PLPPR5: variants seen among roughly 807,000 people sequenced by gnomAD.
The protein encoded by PLPPR5 is phospholipid phosphatase-related protein type 5.
Under a neutral mutation model 33.9 loss-of-function variants are expected in PLPPR5, and 16 were observed. That is an observed-to-expected ratio of 0.47 (90% CI 0.32 to 0.72). The LOEUF (loss-of-function observed/expected upper bound fraction) is 0.72, where lower values mean the gene tolerates loss of function less well. PLPPR5 is among the 30% of genes least tolerant of loss of function. The pLI, the probability that PLPPR5 is intolerant of heterozygous loss-of-function variation, is 0.03. For synonymous variants in PLPPR5, 163 were observed against 150.3 expected, an observed-to-expected ratio of 1.08 and a Z score of -0.62; for missense variants, 301 against 406.7, an observed-to-expected ratio of 0.74 and a Z score of 2.23.
chr1:98,923,433 C>A (rs530992247), intron 3 of PLPPR5, among the ~76,000 whole-genome samples: 1 of 152,198 alleles, frequency 6.6e-6, no homozygotes, highest in South Asian at 2.1e-4. Flanking sequence ...AATACATCTG[C>A]CTAAGAGAGT....
chr1:98,917,273 C>T (rs558060021), intron 4 of PLPPR5, among the ~76,000 whole-genome samples: 1 of 152,270 alleles, frequency 6.6e-6, no homozygotes, highest in Admixed American at 6.5e-5. Flanking sequence ...TATCTTGGTA[C>T]CTAAATATCT....
chr1:98,911,315 G>A (rs965809991), intron 5 of PLPPR5, among the ~76,000 whole-genome samples: 1 of 152,118 alleles, frequency 6.6e-6, no homozygotes, highest in Non-Finnish European at 1.5e-5. Context: ...TTATTTCCTA[G>A]CTACCGGAGT....
At chr1:98,980,519 A>G (rs184637246) in intron 1 of PLPPR5, among the ~76,000 whole-genome samples, 15 of 152,224 alleles carry the variant, frequency 9.9e-5, no homozygotes, top group Admixed American at 8.5e-4. Context: ...TTGCAAGAAA[A>G]CCAAGCACAT....
chr1:98,907,203 C>CTTTTTTTT (rs5776440), intron 5 of PLPPR5, among the ~76,000 whole-genome samples: 2 of 132,178 alleles, frequency 1.5e-5, no homozygotes, highest in African/African-American at 5.8e-5. Context: ...TATTGTAATC[C>CTTTTTTTT]TTTTTTTTTT....
intron 1 of PLPPR5, among the ~76,000 whole-genome samples, chr1:98,998,199 G>C (rs937730443): frequency 2.6e-5 from 4 of 152,124 alleles, no homozygotes; most frequent in African/African-American, 9.7e-5. Flanking sequence ...AAAATCCTAA[G>C]AGGCACAAGA....
rs191855556 is a variant in PLPPR5 at position 98,910,528 on chromosome 1, C to A, written c.933+4258G>T. 1.1e-3 allele frequency among the ~76,000 whole-genome samples: 161 copies of A among 152,170 alleles called. 2 individuals carry two copies. Among genetic ancestry groups the A allele is most frequent in the African/African-American group, 3.7e-3 (155 of 41,506 alleles). On this transcript the variant is annotated intron_variant, in intron 5 of 5. Transcript: ENST00000263177. Reference sequence around the variant, plus strand: ...CATCACCAAACTTCTAAATAAAGACCAAAATGTTTCTAGTATAAAACATTG... The same window carrying A: ...CATCACCAAACTTCTAAATAAAGACAAAAATGTTTCTAGTATAAAACATTG...
At chr1:98,979,262 A>G (rs1328299391) in intron 1 of PLPPR5, among the ~76,000 whole-genome samples, 1 of 152,056 alleles carries the variant, frequency 6.6e-6, no homozygotes, top group African/African-American at 2.4e-5. Flanking sequence ...CTCACTGCAA[A>G]GTACTTAACA....
intron 5 of PLPPR5, 95 bp from the exon 6 acceptor site, chr1:98,893,199 G>T: frequency 8.5e-7 from 1 of 1,181,464 alleles, no homozygotes; most frequent in South Asian, 1.6e-5. Context: ...TAGCTTATAT[G>T]CTGAATGTTG....
chr1:98,917,809 T>C (rs899649557), intron 4 of PLPPR5, among the ~76,000 whole-genome samples: 1 of 152,232 alleles, frequency 6.6e-6, no homozygotes, highest in African/African-American at 2.4e-5. Context: ...ATACTTTGAT[T>C]GATGTGTCTC....
intron 1 of PLPPR5, chr1:98,991,328 A>G (rs1255620829): frequency 1.3e-5 from 2 of 152,094 alleles, no homozygotes; most frequent in African/African-American, 4.8e-5. Context: ...AATTGACCAC[A>G]AGGTGTCGTT....
intron 3 of PLPPR5, among the ~76,000 whole-genome samples, chr1:98,948,135 A>T (rs927606263): frequency 2.0e-5 from 3 of 152,038 alleles, no homozygotes; most frequent in Non-Finnish European, 4.4e-5. Context: ...ACGGACATGC[A>T]CTCCCTGAAT....
intron 3 of PLPPR5, among the ~76,000 whole-genome samples, chr1:98,939,750 GC>G (rs1482449805): frequency 2.0e-5 from 3 of 151,928 alleles, no homozygotes; most frequent in Non-Finnish European, 4.4e-5. Flanking sequence ...TGCAGTCACA[GC>G]CGTGTGTATC....
At chr1:98,929,097 A>G (rs956726252) in intron 3 of PLPPR5, among the ~76,000 whole-genome samples, 1 of 152,188 alleles carries the variant, frequency 6.6e-6, no homozygotes, top group Non-Finnish European at 1.5e-5. Context: ...AGTCAGGGTT[A>G]AAAGTTCAGT....
chr1:98,975,142 C>T (rs1371991165), intron 1 of PLPPR5, among the ~76,000 whole-genome samples: 1 of 152,042 alleles, frequency 6.6e-6, no homozygotes, highest in Non-Finnish European at 1.5e-5. Context: ...CCCAGAGAAT[C>T]GTCAGGAGAG....
chr1:98,896,020 G>GT (rs879367901), intron 5 of PLPPR5, among the ~76,000 whole-genome samples: 225 of 145,844 alleles, frequency 1.5e-3, no homozygotes, highest in Non-Finnish European at 1.8e-3. Context: ...TATCTCAGTA[G>GT]TTTTTTTTTT....
At chr1:98,960,487 A>G (rs887841161) in intron 1 of PLPPR5, among the ~76,000 whole-genome samples, 1 of 152,212 alleles carries the variant, frequency 6.6e-6, no homozygotes, top group Non-Finnish European at 1.5e-5. Flanking sequence ...TACAGGCACG[A>G]GCTACCGTGC....
intron 3 of PLPPR5, among the ~76,000 whole-genome samples, chr1:98,932,293 C>T (rs973413869): frequency 6.6e-6 from 1 of 152,176 alleles, no homozygotes; most frequent in Non-Finnish European, 1.5e-5. Context: ...TACCTAAACT[C>T]TGTGTATGAC....
chr1:98,985,777 G>A (rs746674832), intron 1 of PLPPR5, among the ~76,000 whole-genome samples: 4 of 152,018 alleles, frequency 2.6e-5, no homozygotes, highest in Non-Finnish European at 5.9e-5. Context: ...CATAGCCTAG[G>A]AACAACAGAT....
At chr1:98,941,684 A>G (rs973231059) in intron 3 of PLPPR5, among the ~76,000 whole-genome samples, 1 of 151,874 alleles carries the variant, frequency 6.6e-6, no homozygotes, top group African/African-American at 2.4e-5. Flanking sequence ...GACAGAACAA[A>G]GCAGTAAATA....
Sources: gnomAD v4.1 joint callset for allele counts (sites outside exome capture counted in the v4.1 genomes callset) on GRCh38, gnomAD v4.1.1 for gene constraint, MANE v1.5 for transcripts, NCBI Gene and HGNC (gene_info 2026-07-23, HGNC 2026-07-21) for gene names.